Variants in SDC2 observed in about 807,000 individuals in gnomAD.
SDC2 encodes syndecan 2.
In SDC2, 13 loss-of-function variants were observed where a neutral mutation model predicts 22.2. The ratio of observed to expected loss-of-function variants is 0.59; its 90% CI spans 0.38 to 0.93. The LOEUF is 0.93. Among genes scored for constraint, SDC2 ranks in the 40% least tolerant of loss-of-function variants. SDC2 has a pLI of 0.00. For synonymous variants in SDC2, 94 were observed against 92.8 expected (o/e 1.01, Z -0.07); for missense variants, 235 against 246.8 (o/e 0.95, Z 0.32).
intron 1 of SDC2, among the ~76,000 whole-genome samples, chr8:96,509,653 A>AG (rs1317746853): frequency 6.6e-6 from 1 of 151,698 alleles, no homozygotes; most frequent in African/African-American, 2.4e-5. Context: ...GTTGGGGTCC[A>AG]GCTCCCTGTG....
intron 1 of SDC2, among the ~76,000 whole-genome samples, chr8:96,524,765 A>T (rs1268870713): frequency 6.6e-6 from 1 of 152,190 alleles, no homozygotes; most frequent in Non-Finnish European, 1.5e-5. Context: ...AAGTCAGAGC[A>T]CTGCTGTGGT....
intron 1 of SDC2, among the ~76,000 whole-genome samples, chr8:96,536,187 G>T (rs1164065823): frequency 6.6e-6 from 1 of 151,790 alleles, no homozygotes; most frequent in Admixed American, 6.6e-5. Context: ...TTCTCCCAAG[G>T]GACAGAAGTG....
At chr8:96,511,975 G>T (rs1369314542) in intron 1 of SDC2, among the ~76,000 whole-genome samples, 1 of 152,144 alleles carries the variant, frequency 6.6e-6, no homozygotes, top group Non-Finnish European at 1.5e-5. Context: ...CCCAAGACAG[G>T]TCTGGTGGGA....
At chr8:96,506,600 C>T (rs1286558258) in intron 1 of SDC2, among the ~76,000 whole-genome samples, 2 of 152,112 alleles carry the variant, frequency 1.3e-5, no homozygotes, top group African/African-American at 4.8e-5. Flanking sequence ...CCTCAGCCTC[C>T]TGAGTAGCTA....
intron 2 of SDC2, 23 bp downstream of exon 2, chr8:96,593,614 C>G: frequency 7.0e-7 from 1 of 1,434,220 alleles, no homozygotes; most frequent in East Asian, 2.3e-5. Flanking sequence ...CTTCTAAACA[C>G]TGGACCTCAT....
At chr8:96,540,616 C>T (rs1813833071) in intron 1 of SDC2, among the ~76,000 whole-genome samples, 1 of 152,000 alleles carries the variant, frequency 6.6e-6, no homozygotes, top group African/African-American at 2.4e-5. Context: ...CAGAGGCCTC[C>T]CTCCCCAACA....
rs528132757 is a variant in SDC2, at chr8:96,610,582, C to T, written c.*1034C>T. On this transcript the variant is annotated 3_prime_UTR_variant, in exon 5 of 5. Transcript: ENST00000302190. ...TAACTTTTGTAGTCTTATGAATAGA[C>T]ATAAATTGTAATTTGGGAACATAAA... The T allele has an allele frequency of 2.0e-5, 3 of 152,642 alleles. No individual in the cohort carries two copies. In the East Asian group the frequency reaches 5.8e-4, roughly 29 times the overall value. The allele number at this position is 152,642 out of a possible 1,614,324, so 9.5% of individuals were successfully genotyped here.
intron 1 of SDC2, among the ~76,000 whole-genome samples, chr8:96,527,133 T>G (rs2130473941): frequency 6.6e-6 from 1 of 152,330 alleles, no homozygotes; most frequent in East Asian, 1.9e-4. Context: ...TAGTAAATAC[T>G]GCACTCCACA....
intron 1 of SDC2, among the ~76,000 whole-genome samples, chr8:96,527,665 G>A (rs1813600046): frequency 6.6e-6 from 1 of 152,180 alleles, no homozygotes; most frequent in Non-Finnish European, 1.5e-5. Context: ...GCTGCTTTGA[G>A]TTGGGTCTTC....
intron 1 of SDC2, among the ~76,000 whole-genome samples, chr8:96,573,081 A>T (rs1814422915): frequency 6.6e-6 from 1 of 152,324 alleles, no homozygotes; most frequent in East Asian, 1.9e-4. Context: ...GATCAGATGC[A>T]TCTGCATAAA....
chr8:96,547,664 A>T (rs1197494220), intron 1 of SDC2, among the ~76,000 whole-genome samples: 1 of 152,090 alleles, frequency 6.6e-6, no homozygotes, highest in African/African-American at 2.4e-5. Context: ...TGTATGCAAA[A>T]GCATGAGCGT....
intron 1 of SDC2, among the ~76,000 whole-genome samples, chr8:96,545,455 A>G (rs1044543753): frequency 6.6e-6 from 1 of 152,144 alleles, no homozygotes; most frequent in Non-Finnish European, 1.5e-5. Flanking sequence ...GTATTGGGGA[A>G]TGAGGACTTG....
At chr8:96,533,613 A>G (rs532431457) in intron 1 of SDC2, among the ~76,000 whole-genome samples, 10 of 151,046 alleles carry the variant, frequency 6.6e-5, no homozygotes, top group Admixed American at 2.6e-4. Context: ...AGCTAGACAC[A>G]GAGTGCTGAT....
intron 1 of SDC2, among the ~76,000 whole-genome samples, chr8:96,585,168 G>A (rs959509387): frequency 3.3e-5 from 5 of 152,122 alleles, no homozygotes; most frequent in Non-Finnish European, 7.4e-5. Context: ...TTTAAAAAAC[G>A]TATTGATGGG....
intron 1 of SDC2, among the ~76,000 whole-genome samples, chr8:96,559,351 G>T (rs970646875): frequency 6.6e-6 from 1 of 152,194 alleles, no homozygotes; most frequent in Non-Finnish European, 1.5e-5. Context: ...GAGGGTGACC[G>T]ACCTTGTTGG....
chr8:96,598,936 C>T (rs1814928375), intron 2 of SDC2, among the ~76,000 whole-genome samples: 1 of 141,896 alleles, frequency 7.0e-6, no homozygotes. Context: ...CCATCTGTCT[C>T]TATCTTTTTT....
chr8:96,580,240 A>C (rs1302641240), intron 1 of SDC2: 2 of 248,510 alleles, frequency 8.0e-6, no homozygotes, highest in Non-Finnish European at 1.3e-5. Flanking sequence ...TGGCAGCTGC[A>C]ATCATTCAGC....
At chr8:96,536,140 T>C (rs1048275972) in intron 1 of SDC2, among the ~76,000 whole-genome samples, 1 of 147,436 alleles carries the variant, frequency 6.8e-6, no homozygotes, top group Non-Finnish European at 1.5e-5. Flanking sequence ...TCCTAGCTTT[T>C]CTTTTTTTTT....
At chr8:96,558,068 A>T (rs1465509993) in intron 1 of SDC2, among the ~76,000 whole-genome samples, 2 of 152,074 alleles carry the variant, frequency 1.3e-5, no homozygotes, top group Non-Finnish European at 2.9e-5. Flanking sequence ...TAATTGCATG[A>T]AACCTGTCTG....
Sources: gnomAD v4.1 joint callset for allele counts (sites outside exome capture counted in the v4.1 genomes callset) on GRCh38, gnomAD v4.1.1 for gene constraint, MANE v1.5 for transcripts, NCBI Gene and HGNC (gene_info 2026-07-23, HGNC 2026-07-21) for gene names.